The following NTM variants were observed in gnomAD, a reference collection of about 807,000 sequenced individuals.
NTM encodes the protein IgLON family member 2.
A neutral mutation model predicts 42.1 loss-of-function variants in NTM; 13 were observed. The observed-to-expected ratio is 0.31, with a 90% confidence interval of 0.20 to 0.49. The LOEUF is 0.49. Among genes scored for constraint, NTM ranks in the 20% least tolerant of loss-of-function variants. The pLI, the probability that NTM is intolerant of heterozygous loss-of-function variation, is 0.99. For missense variants in NTM, 373 were observed against 452.8 expected (o/e 0.82, Z 1.60); for synonymous variants, 187 against 179.2 (o/e 1.04, Z -0.35).
Position 132,314,180 on chromosome 11 carries a change from A to G in NTM, c.783-372A>G, listed in dbSNP as rs117369013. On this transcript the variant is annotated intron_variant, in intron 6 of 8. Coordinates refer to ENST00000683400, the MANE Select transcript of NTM (RefSeq NM_001352005.2). ...CATGGTTGTCATCATCACCATCACC[A>G]TCATCATCATCAGGCCCACACATTT... is the stretch of plus-strand genomic sequence containing the variant. 5.9e-4 allele frequency among the ~76,000 whole-genome samples: 84 copies of G among 142,310 alleles called. 1 individual carries two copies. In the East Asian group the frequency reaches 0.016, roughly 26 times the overall value. 93.4% of individuals were successfully genotyped at this position (142,310 alleles called of 152,430 possible). A position where few individuals can be genotyped will look rare whatever the true frequency, so the allele number is the denominator to read the frequency against.
chr11:131,603,749 A>G (rs2060684473), intron 1 of NTM, among the ~76,000 whole-genome samples: 1 of 152,146 alleles, frequency 6.6e-6, no homozygotes, highest in African/African-American at 2.4e-5. Flanking sequence ...AGATTTGCCT[A>G]TTTTGGACAT....
chr11:131,770,513 G>A (rs1290324490), intron 1 of NTM, among the ~76,000 whole-genome samples: 6 of 152,178 alleles, frequency 3.9e-5, no homozygotes, highest in Admixed American at 1.3e-4. Context: ...AGAGGAATTA[G>A]GTGTTTCCTT....
Position 132,003,205 on chromosome 11 carries a change from G to T in NTM, c.167+91557G>T, listed in dbSNP as rs1193291357. 6.6e-6 allele frequency among the ~76,000 whole-genome samples: 1 copy of T among 151,964 alleles called. No homozygotes were observed. Among genetic ancestry groups the T allele is most frequent in the Non-Finnish European group, 1.5e-5 (1 of 68,016 alleles). Reference sequence around the variant, plus strand: ...CCAGTGGTGCACTTCAGAAACACCTGGAGGCTTGTTGAATCCGGATTCCTC... The same window carrying T: ...CCAGTGGTGCACTTCAGAAACACCTTGAGGCTTGTTGAATCCGGATTCCTC... On this transcript the variant is annotated intron_variant, in intron 2 of 8. Transcript: ENST00000683400. The surrounding 1 kb of genome is among the most constrained non-coding windows in gnomAD (Gnocchi z 6.0).
intron 1 of NTM, among the ~76,000 whole-genome samples, chr11:131,401,814 A>ATATATATATATATATATATATG (rs1945191500): frequency 7.4e-5 from 2 of 27,200 alleles, no homozygotes; most frequent in Non-Finnish European, 1.3e-4. Flanking sequence ...ATATATATAT[A>ATATATATATATATATATATATG]TATATATATA....
At chr11:131,380,212 C>CTTT (rs34132358) in intron 1 of NTM, among the ~76,000 whole-genome samples, 1 of 124,658 alleles carries the variant, frequency 8.0e-6, no homozygotes, top group Non-Finnish European at 1.7e-5. Context: ...TCCTTTGAGT[C>CTTT]TTTTTTTTTT....
intron 1 of NTM, among the ~76,000 whole-genome samples, chr11:131,741,732 T>A (rs1175878145): frequency 2.6e-5 from 4 of 152,120 alleles, no homozygotes; most frequent in Admixed American, 6.5e-5. Context: ...AATTAAAAAA[T>A]AGAAATGTAT....
At chr11:131,666,019 C>T (rs762051426) in intron 1 of NTM, among the ~76,000 whole-genome samples, 2 of 152,210 alleles carry the variant, frequency 1.3e-5, no homozygotes, top group Non-Finnish European at 2.9e-5. Context: ...TAAAAATACA[C>T]AGTAAATGTG....
At chr11:132,167,682 C>A (rs536865025) in intron 3 of NTM, among the ~76,000 whole-genome samples, 5 of 152,152 alleles carry the variant, frequency 3.3e-5, no homozygotes, top group Non-Finnish European at 7.3e-5. Flanking sequence ...CACAATAACT[C>A]AAAATAATGT....
chr11:131,675,565 C>G (rs896827648), intron 1 of NTM, among the ~76,000 whole-genome samples: 20 of 152,218 alleles, frequency 1.3e-4, no homozygotes, highest in African/African-American at 4.6e-4. Flanking sequence ...TCATTTTAAC[C>G]AAAGGAGACT....
At chr11:131,592,647 A>AACACACACACACAC (rs3040142) in intron 1 of NTM, among the ~76,000 whole-genome samples, 22 of 140,788 alleles carry the variant, frequency 1.6e-4, no homozygotes, top group Middle Eastern at 3.6e-3. Context: ...ACACACCCCA[A>AACACACACACACAC]ACACACACAC....
At chr11:131,546,724 C>T (rs1194928894) in intron 1 of NTM, 6 of 152,356 alleles carry the variant, frequency 3.9e-5, no homozygotes, top group South Asian at 4.1e-4. Flanking sequence ...ACAAGCACCA[C>T]GCTGAGCTCT....
At chr11:132,125,086 C>G (rs372518911) in intron 2 of NTM, among the ~76,000 whole-genome samples, 1 of 152,174 alleles carries the variant, frequency 6.6e-6, no homozygotes. Flanking sequence ...CCCTGCCTTC[C>G]TCACACTGCC....
At chr11:131,551,685 C>T (rs2054688686) in intron 1 of NTM, among the ~76,000 whole-genome samples, 1 of 152,160 alleles carries the variant, frequency 6.6e-6, no homozygotes. Context: ...AATCACTTAT[C>T]CACACGGGCT....
At chr11:131,728,959 T>C (rs2079293297) in intron 1 of NTM, among the ~76,000 whole-genome samples, 1 of 152,158 alleles carries the variant, frequency 6.6e-6, no homozygotes, top group African/African-American at 2.4e-5. Flanking sequence ...AGACCAAATA[T>C]CTATTTTACA....
At chr11:132,019,587 C>G (rs2135507599) in intron 2 of NTM, among the ~76,000 whole-genome samples, 1 of 151,956 alleles carries the variant, frequency 6.6e-6, no homozygotes, top group East Asian at 1.9e-4. Context: ...TGAAATAGTT[C>G]TAGTCTTAAA....
At chr11:131,550,403 G>T (rs909094117) in intron 1 of NTM, among the ~76,000 whole-genome samples, 1 of 152,208 alleles carries the variant, frequency 6.6e-6, no homozygotes, top group Admixed American at 6.5e-5. Flanking sequence ...TGGAAGTGGG[G>T]TCTGCTGAAA....
intron 2 of NTM, among the ~76,000 whole-genome samples, chr11:132,048,352 G>C (rs1365620563): frequency 6.6e-6 from 1 of 152,130 alleles, no homozygotes; most frequent in Non-Finnish European, 1.5e-5. Context: ...AAGATCTCTG[G>C]GTCCACACGA....
intron 2 of NTM, among the ~76,000 whole-genome samples, chr11:132,035,574 G>A (rs2135711838): frequency 6.6e-6 from 1 of 152,246 alleles, no homozygotes; most frequent in African/African-American, 2.4e-5. Context: ...ATGTTTCAAA[G>A]GTCTGCAGAT....
intron 1 of NTM, among the ~76,000 whole-genome samples, chr11:131,395,946 A>G (rs539003632): frequency 1.3e-5 from 2 of 152,342 alleles, no homozygotes; most frequent in Non-Finnish European, 2.9e-5. Context: ...GGCTCAAGCA[A>G]CAACCTGTGA....
Sources: allele counts gnomAD v4.1 joint callset (sites outside exome capture counted in the v4.1 genomes callset), GRCh38; gene constraint gnomAD v4.1.1; non-coding constraint Gnocchi (gnomAD v3.1); transcripts MANE v1.5; gene names NCBI Gene and HGNC (gene_info 2026-07-23, HGNC 2026-07-21).